KANK1: variants seen among roughly 807,000 people sequenced by gnomAD.
KANK1 encodes the protein KN motif and ankyrin repeat domains 1, also known as KN motif and ankyrin repeat domain-containing protein 1.
KANK1 carries 109 observed loss-of-function variants against 106.2 expected under a neutral mutation model. The observed-to-expected ratio is 1.03, with a 90% CI of 0.88 to 1.20. The LOEUF is 1.20. Among genes scored for constraint, KANK1 ranks in the 50% most tolerant of loss-of-function variants. The pLI is 0.00. For missense variants in KANK1, 2,399 were observed against 1,710.7 expected, an observed-to-expected ratio of 1.40 and a Z score of -7.10; for synonymous variants, 873 against 652.2, an observed-to-expected ratio of 1.34 and a Z score of -5.16.
chr9:631,981 C>T (rs543981180), intron 1 of KANK1, among the ~76,000 whole-genome samples: 56 of 152,294 alleles, frequency 3.7e-4, no homozygotes, highest in African/African-American at 1.3e-3. Flanking sequence ...TTACAGTATG[C>T]CATGATAACT....
intron 2 of KANK1, chr9:693,870 G>A (rs1471152980): frequency 1.1e-6 from 1 of 938,068 alleles, no homozygotes; most frequent in African/African-American, 1.8e-5. Flanking sequence ...CTCGAGCTCT[G>A]TGTGTTGTGA....
intron 1 of KANK1, among the ~76,000 whole-genome samples, chr9:659,756 C>T (rs1382229768): frequency 1.3e-5 from 2 of 151,578 alleles, no homozygotes; most frequent in South Asian, 2.1e-4. Context: ...GGGGGAAGTC[C>T]GCCCCCATGA....
chr9:647,431 C>G (rs1444956285), intron 1 of KANK1, among the ~76,000 whole-genome samples: 2 of 150,906 alleles, frequency 1.3e-5, no homozygotes, highest in African/African-American at 5.0e-5. Context: ...GACTCTATCA[C>G]TTCATATCTC....
In KANK1 at chr9:713,049, G is replaced by T; in HGVS notation, c.2283G>T (p.Val761=). The T allele has an allele frequency of 6.2e-7, 1 of 1,614,150 alleles. No individual in the cohort carries two copies. Among genetic ancestry groups the T allele is most frequent in the Non-Finnish European group, 8.5e-7 (1 of 1,180,026 alleles). The part of the protein sequence containing the change: ...PSAVKTKESG[V]GQININDNYL... ...CTGTGAAGACCAAAGAGTCAGGTGT[G>T]GGGCAGATAAATATTAACGACAACT... Residue 761 remains valine, a synonymous_variant, in exon 3 of 12, where the codon GTG becomes GTT. Transcript: ENST00000382297.
chr9:695,485 C>T (rs544784087), intron 2 of KANK1, among the ~76,000 whole-genome samples: 5 of 152,314 alleles, frequency 3.3e-5, no homozygotes, highest in Admixed American at 1.3e-4. Flanking sequence ...ACATCCCCTA[C>T]AGCTCCCTGC....
intron 5 of KANK1, 55 bp from the exon 6 acceptor site, chr9:732,323 C>T (rs995458885): frequency 3.5e-5 from 54 of 1,555,376 alleles, no homozygotes; most frequent in Non-Finnish European, 4.6e-5. Context: ...AAATTTCTAT[C>T]ACTGGGTCTT....
chr9:683,793 C>G (rs1240154270), intron 2 of KANK1, among the ~76,000 whole-genome samples: 1 of 152,056 alleles, frequency 6.6e-6, no homozygotes, highest in Non-Finnish European at 1.5e-5. Flanking sequence ...ACAGCTTCAT[C>G]CTAGTATTAG....
At chr9:529,230 T>TAC (rs1387846569) in intron 1 of KANK1, among the ~76,000 whole-genome samples, 2 of 142,612 alleles carry the variant, frequency 1.4e-5, no homozygotes, top group East Asian at 2.1e-4. Flanking sequence ...AATATATATA[T>TAC]ATATACACAC....
chr9:624,503 A>T (rs1228002294), intron 1 of KANK1, among the ~76,000 whole-genome samples: 1 of 152,298 alleles, frequency 6.6e-6, no homozygotes, highest in East Asian at 1.9e-4. Context: ...AAGTTGCATT[A>T]AAAACAATGA....
At chr9:479,915 A>G (rs914973486) in intron 3 of KANK1, among the ~76,000 whole-genome samples, 4 of 152,236 alleles carry the variant, frequency 2.6e-5, no homozygotes, top group African/African-American at 7.2e-5. Context: ...GTGATTTATT[A>G]TATGCCCAGT....
upstream of KANK1, among the ~76,000 whole-genome samples, chr9:501,561 C>G (rs954458150): frequency 6.6e-6 from 1 of 151,624 alleles, no homozygotes; most frequent in African/African-American, 2.4e-5. Flanking sequence ...AGAAGCCCAG[C>G]TAAAATATGG....
At chr9:690,292 C>T (rs544647901) in intron 2 of KANK1, among the ~76,000 whole-genome samples, 3 of 143,178 alleles carry the variant, frequency 2.1e-5, no homozygotes, top group South Asian at 4.5e-4. Flanking sequence ...GGTGACGGAG[C>T]GAGACTCTGT....
intron 1 of KANK1, among the ~76,000 whole-genome samples, chr9:562,258 T>C (rs980811578): frequency 3.3e-5 from 5 of 151,042 alleles, no homozygotes; most frequent in Non-Finnish European, 7.4e-5. Context: ...TTCACCTTGT[T>C]AGCCAGGATG....
At chr9:622,757 G>A (rs1006510239) in intron 1 of KANK1, among the ~76,000 whole-genome samples, 1 of 151,874 alleles carries the variant, frequency 6.6e-6, no homozygotes, top group African/African-American at 2.4e-5. Flanking sequence ...CAAAAAATGA[G>A]CCAGGCGTGG....
intron 1 of KANK1, among the ~76,000 whole-genome samples, chr9:559,632 C>T (rs1374236375): frequency 1.3e-5 from 2 of 152,192 alleles, no homozygotes; most frequent in African/African-American, 4.8e-5. Flanking sequence ...TGTTGACAAT[C>T]TTTCAAGACG....
chr9:577,243 T>A (rs1224145858), intron 1 of KANK1, among the ~76,000 whole-genome samples: 1 of 152,212 alleles, frequency 6.6e-6, no homozygotes, highest in East Asian at 1.9e-4. Context: ...CACGTCCTGC[T>A]GATTGGTCCA....
chr9:511,693 A>C (rs1418834700), intron 1 of KANK1, among the ~76,000 whole-genome samples: 1 of 152,334 alleles, frequency 6.6e-6, no homozygotes, highest in East Asian at 1.9e-4. Flanking sequence ...TAATACTCAC[A>C]CATAGTGTAA....
chr9:600,813 CT>C (rs1346853775), intron 1 of KANK1, among the ~76,000 whole-genome samples: 1 of 151,824 alleles, frequency 6.6e-6, no homozygotes, highest in Non-Finnish European at 1.5e-5. Context: ...TTCTTTTGCA[CT>C]TTCCAAGAAA....
chr9:686,441 C>G (rs972362107), intron 2 of KANK1, among the ~76,000 whole-genome samples: 1 of 152,300 alleles, frequency 6.6e-6, no homozygotes, highest in African/African-American at 2.4e-5. Context: ...ACCGGTGCCC[C>G]ACCTCTTCAA....
Sources: gnomAD v4.1 joint callset for allele counts (sites outside exome capture counted in the v4.1 genomes callset) on GRCh38, gnomAD v4.1.1 for gene constraint, MANE v1.5 for transcripts, NCBI Gene and HGNC (gene_info 2026-07-23, HGNC 2026-07-21) for gene names.